The following LRMDA variants were observed in gnomAD, a reference collection of about 807,000 sequenced individuals.
LRMDA encodes leucine-rich melanocyte differentiation-associated protein.
Under a neutral mutation model 29.8 loss-of-function variants are expected in LRMDA, and 18 were observed. The ratio of observed to expected loss-of-function variants is 0.60; its 90% CI spans 0.42 to 0.90. The LOEUF (loss-of-function observed/expected upper bound fraction) is 0.90, where lower values mean the gene tolerates loss of function less well. Among genes scored for constraint, LRMDA ranks in the 40% least tolerant of loss-of-function variants. The pLI, the probability that LRMDA is intolerant of heterozygous loss-of-function variation, is 0.00. For missense variants in LRMDA, 273 were observed against 273.9 expected, an observed-to-expected ratio of 1.00 and a Z score of 0.02; for synonymous variants, 125 against 109.4, an observed-to-expected ratio of 1.14 and a Z score of -0.89.
At chr10:76,296,180 G>T (rs1439244189) in intron 5 of LRMDA, among the ~76,000 whole-genome samples, 2 of 152,166 alleles carry the variant, frequency 1.3e-5, no homozygotes, top group African/African-American at 4.8e-5. Flanking sequence ...AGTATCTAAA[G>T]GATAGGGCAT....
intron 6 of LRMDA, among the ~76,000 whole-genome samples, chr10:76,449,622 T>G (rs186537642): frequency 1.3e-5 from 2 of 152,142 alleles, no homozygotes; most frequent in East Asian, 3.9e-4. Flanking sequence ...TAACTTTGTT[T>G]AATGCTTTCT....
At chr10:76,059,242 C>T (rs1278558678) in intron 5 of LRMDA, among the ~76,000 whole-genome samples, 2 of 152,138 alleles carry the variant, frequency 1.3e-5, no homozygotes, top group African/African-American at 4.8e-5. Context: ...TCTGAGATAT[C>T]GTTAGTGTGG....
At chr10:76,233,553 C>T (rs969717590) in intron 5 of LRMDA, among the ~76,000 whole-genome samples, 4 of 152,168 alleles carry the variant, frequency 2.6e-5, no homozygotes, top group African/African-American at 9.7e-5. Context: ...TGTGTGATAG[C>T]ATTTTACTCA....
intron 4 of LRMDA, among the ~76,000 whole-genome samples, chr10:76,057,200 T>G (rs1848629872): frequency 6.6e-6 from 1 of 152,226 alleles, no homozygotes; most frequent in African/African-American, 2.4e-5. Flanking sequence ...TGCTCTGTGC[T>G]CCCATAACCA....
chr10:75,973,942 A>G (rs1462646205), intron 2 of LRMDA, among the ~76,000 whole-genome samples: 7 of 152,162 alleles, frequency 4.6e-5, no homozygotes, highest in Admixed American at 4.6e-4. Context: ...TGAGCTTGAT[A>G]TAGGTCTTTT....
chr10:76,218,021 C>T (rs192088666), intron 5 of LRMDA, among the ~76,000 whole-genome samples: 2 of 152,308 alleles, frequency 1.3e-5, no homozygotes, highest in Admixed American at 1.3e-4. Context: ...TGTGACCTTC[C>T]CTTCTCCCTG....
At chr10:75,448,376 G>T (rs1235063789) in intron 2 of LRMDA, among the ~76,000 whole-genome samples, 1 of 152,112 alleles carries the variant, frequency 6.6e-6, no homozygotes, top group Admixed American at 6.5e-5. Flanking sequence ...CTCTCCCTCT[G>T]CCCTGCTGTC....
At chr10:76,052,761 G>A (rs1297905082) in intron 4 of LRMDA, among the ~76,000 whole-genome samples, 1 of 152,026 alleles carries the variant, frequency 6.6e-6, no homozygotes, top group Non-Finnish European at 1.5e-5. Context: ...CACCTTCCCA[G>A]GATCCCTGCT....
intron 6 of LRMDA, among the ~76,000 whole-genome samples, chr10:76,520,204 A>ATAT (rs1843104464): frequency 6.6e-6 from 1 of 151,808 alleles, no homozygotes; most frequent in Non-Finnish European, 1.5e-5. Context: ...ATCATAGTAT[A>ATAT]TATTATTTTG....
At chr10:75,718,110 T>A (rs1842523566) in intron 2 of LRMDA, among the ~76,000 whole-genome samples, 1 of 152,220 alleles carries the variant, frequency 6.6e-6, no homozygotes, top group East Asian at 1.9e-4. Flanking sequence ...GACCCTTCAA[T>A]CTTATTTGCA....
intron 2 of LRMDA, among the ~76,000 whole-genome samples, chr10:75,597,471 G>C (rs536288491): frequency 6.6e-6 from 1 of 152,256 alleles, no homozygotes; most frequent in Admixed American, 6.5e-5. Context: ...AGGGGACTGG[G>C]AGGCACAGCC....
intron 5 of LRMDA, chr10:76,318,837 T>C (rs983128484): frequency 6.6e-6 from 1 of 152,312 alleles, no homozygotes; most frequent in East Asian, 1.9e-4. Flanking sequence ...CTTCAGAAGA[T>C]GGCAAGTCTT....
At chr10:75,986,708 A>G (rs915718254) in intron 2 of LRMDA, among the ~76,000 whole-genome samples, 2 of 152,220 alleles carry the variant, frequency 1.3e-5, no homozygotes, top group Admixed American at 6.5e-5. Context: ...TAAGGGACCT[A>G]TTGAGTGTTT....
intron 5 of LRMDA, among the ~76,000 whole-genome samples, chr10:76,176,529 C>T (rs549100719): frequency 6.6e-6 from 1 of 152,226 alleles, no homozygotes; most frequent in Non-Finnish European, 1.5e-5. Flanking sequence ...CGCGGTGGCT[C>T]ACGCCTGCAA....
chr10:75,907,698 G>A (rs1403727993), intron 2 of LRMDA, among the ~76,000 whole-genome samples: 4 of 152,148 alleles, frequency 2.6e-5, no homozygotes, highest in Admixed American at 6.5e-5. Context: ...TTTAAAATAC[G>A]TAGGAAGGGA....
intron 2 of LRMDA, among the ~76,000 whole-genome samples, chr10:75,666,241 T>C (rs1841820435): frequency 2.0e-5 from 3 of 152,176 alleles, no homozygotes; most frequent in Admixed American, 1.3e-4. Flanking sequence ...TTGCAGTATG[T>C]TTATATGACC....
At chr10:75,948,029 A>C (rs984683306) in intron 2 of LRMDA, among the ~76,000 whole-genome samples, 2 of 152,192 alleles carry the variant, frequency 1.3e-5, no homozygotes, top group Non-Finnish European at 2.9e-5. Context: ...GAATGAAATA[A>C]ATTGTTGAAT....
intron 2 of LRMDA, among the ~76,000 whole-genome samples, chr10:75,771,159 C>G (rs1843235225): frequency 6.6e-6 from 1 of 152,046 alleles, no homozygotes; most frequent in Non-Finnish European, 1.5e-5. Context: ...TCAAATGATC[C>G]AAGGGAGAGA....
At chr10:76,144,604 G>A (rs968767872) in intron 5 of LRMDA, among the ~76,000 whole-genome samples, 1 of 152,138 alleles carries the variant, frequency 6.6e-6, no homozygotes, top group Non-Finnish European at 1.5e-5. Context: ...TGAGACAGTG[G>A]GGTTTTCTAG....
Sources: allele counts gnomAD v4.1 joint callset (sites outside exome capture counted in the v4.1 genomes callset), GRCh38; gene constraint gnomAD v4.1.1; transcripts MANE v1.5; gene names NCBI Gene and HGNC (gene_info 2026-07-23, HGNC 2026-07-21).